CELF2: variants seen among roughly 807,000 people sequenced by gnomAD.
CELF2 encodes CUGBP Elav-like family member 2.
In CELF2, 8 loss-of-function variants were observed where a neutral mutation model predicts 62.6. The ratio of observed to expected loss-of-function variants is 0.13; its 90% CI spans 0.07 to 0.23. The LOEUF is 0.23. Ranked by LOEUF, CELF2 falls within the 10% of genes least tolerant of loss-of-function variation. The pLI, the probability that CELF2 is intolerant of heterozygous loss-of-function variation, is 1.00. For missense variants in CELF2, 333 were observed against 671.0 expected, an observed-to-expected ratio of 0.50 and a Z score of 5.56; for synonymous variants, 258 against 250.0, an observed-to-expected ratio of 1.03 and a Z score of -0.30.
the CELF2 span, among the ~76,000 whole-genome samples, chr10:10,586,565 T>C: frequency 1.3e-5 from 2 of 152,190 alleles, no homozygotes; most frequent in Admixed American, 6.6e-5. Context: ...TTTGGAAAGT[T>C]CAAGGGAAGC....
At chr10:10,759,307 T>TC in the CELF2 span, among the ~76,000 whole-genome samples, 1 of 133,280 alleles carries the variant, frequency 7.5e-6, no homozygotes, top group African/African-American at 2.7e-5. Context: ...TTTTTTTTTT[T>TC]TTTTTTTTTT....
At position 11,335,327 on chromosome 10, in the gene CELF2, C is replaced by T. The variant is rs1407128552; in HGVS notation, c.*6274C>T. On this transcript the variant is annotated 3_prime_UTR_variant, in exon 13 of 13. Transcript: ENST00000633077. The surrounding 1 kb of genome is among the most constrained non-coding windows in gnomAD (Gnocchi z 5.0). The stretch of plus-strand genomic sequence containing the variant: ...TGTTTGCTCCCTCTGTCTTATCTCT[C>T]CTTCCAGTATTTTCAGACGCACAAG... The T allele has an allele frequency of 6.6e-6, 1 of 152,390 alleles. No homozygotes were observed. 9.4% of individuals were successfully genotyped at this position (152,390 alleles called of 1,614,324 possible).
At chr10:11,127,163 T>C (rs913078721) in intron 1 of CELF2, among the ~76,000 whole-genome samples, 4 of 152,150 alleles carry the variant, frequency 2.6e-5, no homozygotes, top group African/African-American at 7.2e-5. Flanking sequence ...TCTGTCCTTA[T>C]GATAGTTTGC....
In CELF2 at chr10:11,269,144, G is replaced by A. The variant is rs2083003757; in HGVS notation, c.619-1522G>A. On this transcript the variant is annotated intron_variant, in intron 6 of 12. Transcript: ENST00000633077. The surrounding 1 kb of genome is among the most constrained non-coding windows in gnomAD (Gnocchi z 4.4). ...CCTCTCTACATAATCTTCAAAGTAT[G>A]TTGCTCTCTTTTAAGTGAAGTACTG... 6.6e-6 allele frequency among the ~76,000 whole-genome samples: 1 copy of A among 152,068 alleles called. No individual in the cohort carries two copies. Among genetic ancestry groups the A allele is most frequent in the African/African-American group, 2.4e-5 (1 of 41,378 alleles).
chr10:10,992,410 C>T (rs558628025), intron 2 of CELF2, among the ~76,000 whole-genome samples: 4 of 152,236 alleles, frequency 2.6e-5, no homozygotes, highest in East Asian at 3.9e-4. Context: ...TGTTGGGTAA[C>T]GTGTTAATGA....
At chr10:11,045,718 T>G (rs2139741664) in intron 1 of CELF2, among the ~76,000 whole-genome samples, 1 of 152,318 alleles carries the variant, frequency 6.6e-6, no homozygotes, top group East Asian at 1.9e-4. Flanking sequence ...CCTCCGCTTC[T>G]TTCCCCAGAG....
Position 11,223,644 on chromosome 10 carries a change from G to A in CELF2, c.354+6137G>A, listed in dbSNP as rs1296733974. ...GAGTAGCAGGGGGAGCTCCGGAGGAGTCCTTGAGGGTGCAGAAGCTCCCTT... is the reference window on the plus strand; with the variant it reads ...GAGTAGCAGGGGGAGCTCCGGAGGAATCCTTGAGGGTGCAGAAGCTCCCTT... On this transcript the variant is annotated intron_variant, in intron 3 of 12. Coordinates refer to ENST00000633077, the MANE Select transcript of CELF2 (RefSeq NM_001326342.2). The surrounding 1 kb of genome is among the most constrained non-coding windows in gnomAD (Gnocchi z 5.1). Among the ~76,000 whole-genome samples, 1 of 152,228 alleles carries A rather than the reference G, an allele frequency of 6.6e-6. No individual in the cohort carries two copies. The highest frequency in any genetic ancestry group is 2.4e-5 in the African/African-American group (1 of 41,466).
At chr10:10,733,803 C>T in the CELF2 span, among the ~76,000 whole-genome samples, 1 of 152,088 alleles carries the variant, frequency 6.6e-6, no homozygotes, top group African/African-American at 2.4e-5. Context: ...TGGGTCCCTC[C>T]CACAACATGA....
the CELF2 span, among the ~76,000 whole-genome samples, chr10:10,556,008 T>C: frequency 1.3e-5 from 2 of 152,156 alleles, no homozygotes; most frequent in African/African-American, 2.4e-5. Context: ...ACTTCAATAA[T>C]AGCCTGCATT....
chr10:10,514,016 G>C, the CELF2 span, among the ~76,000 whole-genome samples: 1 of 152,196 alleles, frequency 6.6e-6, no homozygotes, highest in African/African-American at 2.4e-5. Flanking sequence ...CAATGGAAGA[G>C]AGCCTTCCAC....
Position 10,934,206 on chromosome 10 carries a change from C to A in CELF2, c.89+14207C>A, listed in dbSNP as rs73571481. On this transcript the variant is annotated intron_variant, in intron 2 of 13. Transcript: ENST00000636488. This position sits in a 1 kb window ranked among gnomAD's most constrained non-coding sequence, Gnocchi z 4.4. ...TTCAATACCAGTAGGGGCATTGGAA[C>A]AGGGTTAAAAATAGAATTCAAAGAG... 0.013 allele frequency among the ~76,000 whole-genome samples: 1,925 copies of A among 152,220 alleles called. 35 individuals carry two copies. The highest frequency in any genetic ancestry group is 0.041 in the African/African-American group (1,715 of 41,526).
chr10:10,737,302 CT>C, the CELF2 span, among the ~76,000 whole-genome samples: 1 of 151,992 alleles, frequency 6.6e-6, no homozygotes, highest in Admixed American at 6.6e-5. Context: ...TTATATTAGC[CT>C]TTTATCATCC....
At position 11,321,404 on chromosome 10, in the gene CELF2, C is replaced by A; in HGVS notation, c.1294+18C>A. 6.3e-7 allele frequency: 1 copy of A among 1,598,108 alleles called. No homozygotes were observed. The highest frequency in any genetic ancestry group is 8.5e-7 in the Non-Finnish European group (1 of 1,177,658). On this transcript the variant is annotated intron_variant, in intron 11 of 12. Coordinates refer to ENST00000633077, the MANE Select transcript of CELF2 (RefSeq NM_001326342.2). The surrounding 1 kb of genome is among the most constrained non-coding windows in gnomAD (Gnocchi z 6.2). ...GAAGGAAGGTAGGTGCCGCCCTTGG[C>A]CCCAGGCAGGGCCCAGCCCAACAGG...
chr10:10,792,113 G>A, the CELF2 span, among the ~76,000 whole-genome samples: 1 of 151,558 alleles, frequency 6.6e-6, no homozygotes, highest in South Asian at 2.1e-4. Flanking sequence ...CACCACAGTG[G>A]GAAGTACTGC....
chr10:10,782,600 C>A, the CELF2 span, among the ~76,000 whole-genome samples: 1 of 152,202 alleles, frequency 6.6e-6, no homozygotes, highest in Non-Finnish European at 1.5e-5. Context: ...ACAAAATCAA[C>A]CATCACAGTG....
the CELF2 span, among the ~76,000 whole-genome samples, chr10:10,525,086 A>G: frequency 6.6e-6 from 1 of 152,208 alleles, no homozygotes; most frequent in Non-Finnish European, 1.5e-5. Context: ...TGGAATGATT[A>G]AATCAATCTA....
At position 11,237,282 on chromosome 10, in the gene CELF2, T is replaced by G. The variant is rs1249810754; in HGVS notation, c.355-11871T>G. On this transcript the variant is annotated intron_variant, in intron 3 of 12. Coordinates refer to ENST00000633077, the MANE Select transcript of CELF2 (RefSeq NM_001326342.2). The surrounding 1 kb of genome is among the most constrained non-coding windows in gnomAD (Gnocchi z 4.0). ...TTTAGAGCCACGCCAGAGTGTTAGGTGAGAGGTCTGAGAAGCTGGAAGAGC... is the reference window on the plus strand; with the variant it reads ...TTTAGAGCCACGCCAGAGTGTTAGGGGAGAGGTCTGAGAAGCTGGAAGAGC... Among the ~76,000 whole-genome samples the G allele has an allele frequency of 1.3e-5, 2 of 152,050 alleles. No homozygotes were observed. Among genetic ancestry groups the G allele is most frequent in the African/African-American group, 2.4e-5 (1 of 41,378 alleles).
intron 2 of CELF2, among the ~76,000 whole-genome samples, chr10:11,192,741 A>G (rs966294365): frequency 6.6e-6 from 1 of 152,182 alleles, no homozygotes; most frequent in Non-Finnish European, 1.5e-5. Context: ...ATGGGATGCC[A>G]TGGTTTTAAC....
intron 2 of CELF2, among the ~76,000 whole-genome samples, chr10:10,930,412 A>G (rs946215446): frequency 2.0e-5 from 3 of 152,202 alleles, no homozygotes; most frequent in African/African-American, 2.4e-5. Context: ...ATTCAAAGCT[A>G]TGTTGCATGA....
Sources: gnomAD v4.1 joint callset for allele counts (sites outside exome capture counted in the v4.1 genomes callset) on GRCh38, gnomAD v4.1.1 for gene constraint, Gnocchi (gnomAD v3.1) non-coding constraint, MANE v1.5 for transcripts, NCBI Gene and HGNC (gene_info 2026-07-23, HGNC 2026-07-21) for gene names.